MARCHF10: variants seen among roughly 807,000 people sequenced by gnomAD.
MARCHF10 encodes the protein membrane associated ring-CH-type finger 10.
In MARCHF10, 64 loss-of-function variants were observed where a neutral mutation model predicts 76.2. That is an observed-to-expected ratio of 0.84 (90% CI 0.69 to 1.03). The LOEUF (loss-of-function observed/expected upper bound fraction) is 1.03. MARCHF10 is among the 50% of genes least tolerant of loss of function. MARCHF10 has a pLI of 0.00. For missense variants in MARCHF10, 875 were observed against 958.0 expected (o/e 0.91, Z 1.14); for synonymous variants, 340 against 357.5 (o/e 0.95, Z 0.55).
intron 8 of MARCHF10, among the ~76,000 whole-genome samples, chr17:62,715,194 G>C (rs2090133858): frequency 6.6e-6 from 1 of 152,206 alleles, no homozygotes; most frequent in Admixed American, 6.5e-5. Flanking sequence ...CTAAACTAAG[G>C]GTGAGCACGT....
intron 3 of MARCHF10, among the ~76,000 whole-genome samples, chr17:62,774,850 T>A (rs2092517889): frequency 6.6e-6 from 1 of 151,942 alleles, no homozygotes; most frequent in Non-Finnish European, 1.5e-5. Context: ...GGTCAGGAGT[T>A]CGAGACCAGC....
chr17:62,805,505 G>A (rs776295110), intron 1 of MARCHF10, among the ~76,000 whole-genome samples: 5 of 152,150 alleles, frequency 3.3e-5, no homozygotes, highest in Non-Finnish European at 5.9e-5. Context: ...AATCTATCAC[G>A]GCTTTAGAGC....
intron 4 of MARCHF10, among the ~76,000 whole-genome samples, chr17:62,754,039 C>T (rs938442735): frequency 2.6e-5 from 4 of 152,100 alleles, no homozygotes; most frequent in African/African-American, 4.8e-5. Flanking sequence ...ATGATCAAAT[C>T]GTTAAAATTT....
intron 5 of MARCHF10, among the ~76,000 whole-genome samples, chr17:62,740,081 TGC>T (rs986306836): frequency 9.1e-4 from 76 of 83,510 alleles, no homozygotes; most frequent in Admixed American, 1.8e-3. Flanking sequence ...TGTGTGTGTG[TGC>T]GTGTGTGTGT....
In MARCHF10 at chr17:62,757,213, G is replaced by A. The variant is rs545850869; in HGVS notation, c.382+2622C>T. On this transcript the variant is annotated intron_variant, in intron 4 of 10. Coordinates refer to ENST00000311269, the MANE Select transcript of MARCHF10 (RefSeq NM_152598.4). ...CTGTAGCCTATTAGGCAGATGTTGC[G>A]AAGGAATTTCACTGTGTTTGATGCT... Among the ~76,000 whole-genome samples, 9 of 152,202 alleles carry A rather than the reference G, an allele frequency of 5.9e-5. No individual in the cohort carries two copies. In the East Asian group the frequency reaches 1.4e-3, roughly 23 times the overall value.
chr17:62,752,188 C>T (rs1599225615), intron 4 of MARCHF10, among the ~76,000 whole-genome samples: 1 of 152,216 alleles, frequency 6.6e-6, no homozygotes, highest in Non-Finnish European at 1.5e-5. Flanking sequence ...CTCTCTCTAG[C>T]TGTCTTCACT....
At chr17:62,773,288 T>C (rs1383673594) in intron 3 of MARCHF10, among the ~76,000 whole-genome samples, 1 of 151,972 alleles carries the variant, frequency 6.6e-6, no homozygotes, top group Non-Finnish European at 1.5e-5. Context: ...ACCAAGCAAA[T>C]GGACAGCTGC....
At chr17:62,749,555 AAAT>A (rs1344597872) in intron 4 of MARCHF10, among the ~76,000 whole-genome samples, 5 of 152,194 alleles carry the variant, frequency 3.3e-5, no homozygotes, top group African/African-American at 1.2e-4. Flanking sequence ...GTGCAGTCAC[AAAT>A]AATAGGTCGC....
intron 2 of MARCHF10, among the ~76,000 whole-genome samples, chr17:62,793,533 CACCACCACCACCTCCACT>C (rs1375961493): frequency 7.0e-6 from 1 of 142,176 alleles, no homozygotes; most frequent in Non-Finnish European, 1.5e-5. Context: ...CCTCCATCAC[CACCACCACCACCTCCACT>C]GCCACCACCA....
chr17:62,782,229 G>C (rs1440107112), intron 3 of MARCHF10, among the ~76,000 whole-genome samples: 1 of 152,000 alleles, frequency 6.6e-6, no homozygotes, highest in East Asian at 1.9e-4. Flanking sequence ...AGCTTCCCTT[G>C]AGAGACTAGC....
intron 9 of MARCHF10, among the ~76,000 whole-genome samples, chr17:62,706,649 T>C (rs1251696371): frequency 6.6e-6 from 1 of 152,174 alleles, no homozygotes; most frequent in Non-Finnish European, 1.5e-5. Context: ...GAATGGCTTC[T>C]AGATCGTACC....
chr17:62,707,079 T>A (rs1275583652), intron 9 of MARCHF10, among the ~76,000 whole-genome samples: 4 of 152,220 alleles, frequency 2.6e-5, no homozygotes, highest in African/African-American at 9.6e-5. Context: ...CCTTCCCATG[T>A]CTGATGCTCC....
chr17:62,799,746 CAAA>C (rs1304992460), intron 2 of MARCHF10, among the ~76,000 whole-genome samples: 7 of 109,718 alleles, frequency 6.4e-5, no homozygotes, highest in African/African-American at 3.4e-5. Flanking sequence ...AACTCTGTCT[CAAA>C]AAAAAAAAAA....
chr17:62,794,144 GTCACCACCACCACCTCCA>G (rs1312165566), intron 2 of MARCHF10, among the ~76,000 whole-genome samples: 3 of 40,190 alleles, frequency 7.5e-5, no homozygotes, highest in Non-Finnish European at 1.3e-4. Flanking sequence ...CACCAAAACA[GTCACCACCACCACCTCCA>G]TCACCACCAC....
intron 1 of MARCHF10, chr17:62,806,458 A>G (rs2093166005): frequency 6.6e-6 from 1 of 152,026 alleles, no homozygotes; most frequent in South Asian, 2.1e-4. Flanking sequence ...TTTAAAACCC[A>G]CTCATGGTTA....
At chr17:62,714,709 T>G (rs2090102935) in intron 8 of MARCHF10, among the ~76,000 whole-genome samples, 1 of 152,188 alleles carries the variant, frequency 6.6e-6, no homozygotes, top group Non-Finnish European at 1.5e-5. Flanking sequence ...GCAGGCCTTT[T>G]CAAACACAGT....
chr17:62,709,207 C>T (rs765037197), intron 9 of MARCHF10, among the ~76,000 whole-genome samples: 10 of 152,220 alleles, frequency 6.6e-5, no homozygotes, highest in Middle Eastern at 3.4e-3. Context: ...CAGCCGGGCA[C>T]GGGGGCTCAC....
intron 1 of MARCHF10, among the ~76,000 whole-genome samples, chr17:62,803,522 T>C (rs375731070): frequency 3.9e-5 from 6 of 151,904 alleles, no homozygotes; most frequent in Admixed American, 6.6e-5. Flanking sequence ...ATAGCTACTC[T>C]TTTTTATTTT....
In MARCHF10 at chr17:62,736,761, A is replaced by G. The variant is rs1289152991; in HGVS notation, c.1107T>C (p.Ala369=). ...CGGGGTCTTGGGACAACCTTTGCCC[A>G]GCAGAAGGCCGCTCTGTTGCTGGCT... ...AMEPATERPS[A]GQRLSQDPGL... is the part of the protein sequence containing the mutation. Residue 369 remains alanine, a synonymous_variant, in exon 6 of 11, where the codon GCT becomes GCC. Transcript: ENST00000311269. The G allele has an allele frequency of 1.2e-6, 2 of 1,614,192 alleles. No individual in the cohort carries two copies. Among genetic ancestry groups the G allele is most frequent in the African/African-American group, 2.7e-5 (2 of 75,052 alleles).
Sources: gnomAD v4.1 joint callset for allele counts (sites outside exome capture counted in the v4.1 genomes callset) on GRCh38, gnomAD v4.1.1 for gene constraint, MANE v1.5 for transcripts, NCBI Gene and HGNC (gene_info 2026-07-23, HGNC 2026-07-21) for gene names.